Variants in HYCC1 observed in about 807,000 individuals in gnomAD.
HYCC1 encodes the protein hyccin.
At chr7:23,012,715 T>C in the HYCC1 span, among the ~76,000 whole-genome samples, 2 of 152,082 alleles carry the variant, frequency 1.3e-5, no homozygotes, top group Non-Finnish European at 2.9e-5. Context: ...TACTTGGAAA[T>C]GTCGGGGGAG....
At chr7:22,925,949 A>T in the HYCC1 span, among the ~76,000 whole-genome samples, 9 of 152,212 alleles carry the variant, frequency 5.9e-5, no homozygotes, top group Admixed American at 1.3e-4. Flanking sequence ...CGGGTTACCC[A>T]CAAAGGGAAG....
At chr7:22,935,108 C>CTA in the HYCC1 span, 3 of 152,218 alleles carry the variant, frequency 2.0e-5, no homozygotes, top group African/African-American at 2.4e-5. Context: ...GTTTTGTCTT[C>CTA]TAGAGTCCTG....
the HYCC1 span, among the ~76,000 whole-genome samples, chr7:22,924,115 G>C: frequency 4.7e-5 from 7 of 147,962 alleles, no homozygotes; most frequent in African/African-American, 1.7e-4. Context: ...GGGGGTGAAA[G>C]TTGCAGTGAG....
the HYCC1 span, among the ~76,000 whole-genome samples, chr7:23,003,715 G>A: frequency 6.6e-6 from 1 of 152,142 alleles, no homozygotes; most frequent in African/African-American, 2.4e-5. Flanking sequence ...AGAGGGAGTC[G>A]CTGCCCTTTA....
the HYCC1 span, among the ~76,000 whole-genome samples, chr7:23,005,159 C>T: frequency 6.6e-6 from 1 of 152,088 alleles, no homozygotes; most frequent in East Asian, 1.9e-4. Context: ...TCTTATAAGC[C>T]CCCAGTGTTT....
At chr7:23,006,131 G>C in the HYCC1 span, among the ~76,000 whole-genome samples, 1 of 152,146 alleles carries the variant, frequency 6.6e-6, no homozygotes, top group Non-Finnish European at 1.5e-5. Flanking sequence ...GAAGGGAATG[G>C]GGAGTGCAGT....
chr7:22,945,709 G>A, the HYCC1 span: 23 of 1,613,612 alleles, frequency 1.4e-5, no homozygotes, highest in Middle Eastern at 1.6e-4. Flanking sequence ...GACTACAAGC[G>A]GAAAACCTAT....
the HYCC1 span, among the ~76,000 whole-genome samples, chr7:22,916,804 C>T: frequency 1.2e-4 from 19 of 152,306 alleles, no homozygotes; most frequent in African/African-American, 3.8e-4. Flanking sequence ...CACTCTGCCC[C>T]CTCCACTACC....
At chr7:22,945,724 A>T in the HYCC1 span, 4 of 1,613,878 alleles carry the variant, frequency 2.5e-6, no homozygotes, top group Non-Finnish European at 3.4e-6. Flanking sequence ...ACCTATTGGC[A>T]TCTGTCCCAG....
the HYCC1 span, among the ~76,000 whole-genome samples, chr7:22,989,324 A>AC: frequency 1.4e-5 from 2 of 140,340 alleles, no homozygotes; most frequent in Non-Finnish European, 3.1e-5. Flanking sequence ...ACACACACAC[A>AC]AGATTTAATC....
chr7:22,960,871 T>C, the HYCC1 span, among the ~76,000 whole-genome samples: 1 of 151,984 alleles, frequency 6.6e-6, no homozygotes, highest in East Asian at 1.9e-4. Context: ...CCAACATGAA[T>C]AAATCCTGTC....
the HYCC1 span, among the ~76,000 whole-genome samples, chr7:22,898,160 C>T: frequency 2.6e-5 from 4 of 152,068 alleles, no homozygotes; most frequent in Non-Finnish European, 5.9e-5. Context: ...ATCCTCCCAC[C>T]TCAGCGTCCC....
the HYCC1 span, chr7:22,946,112 T>C: frequency 6.2e-7 from 1 of 1,613,296 alleles, no homozygotes; most frequent in Non-Finnish European, 8.5e-7. Flanking sequence ...AAATCCCTCG[T>C]CAACTTCAGA....
At chr7:23,009,214 A>G in the HYCC1 span, among the ~76,000 whole-genome samples, 1 of 152,130 alleles carries the variant, frequency 6.6e-6, no homozygotes, top group Non-Finnish European at 1.5e-5. Flanking sequence ...TGGAGACATT[A>G]TAAGTGTTAT....
At chr7:22,944,887 AT>A in the HYCC1 span, 1 of 152,426 alleles carries the variant, frequency 6.6e-6, no homozygotes, top group Admixed American at 6.6e-5. Context: ...GATTTTTGAT[AT>A]AAAAATGTTT....
the HYCC1 span, chr7:22,944,891 A>C: frequency 6.6e-6 from 1 of 152,430 alleles, no homozygotes; most frequent in Non-Finnish European, 1.5e-5. Context: ...TTTGATATAA[A>C]AATGTTTCAG....
chr7:23,007,130 A>G, the HYCC1 span, among the ~76,000 whole-genome samples: 1 of 152,210 alleles, frequency 6.6e-6, no homozygotes, highest in Non-Finnish European at 1.5e-5. Flanking sequence ...ATCAACACAG[A>G]ACAGAACAGT....
the HYCC1 span, among the ~76,000 whole-genome samples, chr7:23,005,952 T>C: frequency 6.6e-6 from 1 of 152,208 alleles, no homozygotes; most frequent in Non-Finnish European, 1.5e-5. Context: ...TCCAAAACAG[T>C]CTCTCCCTTT....
chr7:22,919,247 G>A, the HYCC1 span, among the ~76,000 whole-genome samples: 9 of 152,188 alleles, frequency 5.9e-5, no homozygotes, highest in African/African-American at 1.9e-4. Flanking sequence ...AGCAAATTGA[G>A]GCCAGGCGCC....
Sources: gnomAD v4.1 joint callset for allele counts (sites outside exome capture counted in the v4.1 genomes callset) on GRCh38, gnomAD v4.1.1 for gene constraint, MANE v1.5 for transcripts, NCBI Gene and HGNC (gene_info 2026-07-23, HGNC 2026-07-21) for gene names.